Variants in SEMA5A observed in about 807,000 individuals in gnomAD.
SEMA5A encodes semaphorin 5A.
Under a neutral mutation model 135.5 loss-of-function variants are expected in SEMA5A, and 55 were observed. The ratio of observed to expected loss-of-function variants is 0.41; its 90% CI spans 0.33 to 0.51. SEMA5A has a LOEUF of 0.51. Ranked by LOEUF, SEMA5A falls within the 20% of genes least tolerant of loss-of-function variation. The pLI, the probability that SEMA5A is intolerant of heterozygous loss-of-function variation, is 0.37. For missense variants in SEMA5A, 1,290 were observed against 1,419.9 expected (o/e 0.91, Z 1.47); for synonymous variants, 580 against 546.5 (o/e 1.06, Z -0.85).
intron 11 of SEMA5A, among the ~76,000 whole-genome samples, chr5:9,159,620 C>T (rs1256988813): frequency 6.6e-6 from 1 of 152,144 alleles, no homozygotes; most frequent in African/African-American, 2.4e-5. Context: ...GTAAACAGTT[C>T]AACCATTGTG....
intron 5 of SEMA5A, among the ~76,000 whole-genome samples, chr5:9,243,010 G>T (rs1748287655): frequency 6.6e-6 from 1 of 152,168 alleles, no homozygotes; most frequent in African/African-American, 2.4e-5. Flanking sequence ...AACTTACATT[G>T]ATAAGGAACT....
At chr5:9,076,075 C>T (rs866479544) in intron 16 of SEMA5A, among the ~76,000 whole-genome samples, 5 of 151,684 alleles carry the variant, frequency 3.3e-5, no homozygotes, top group Admixed American at 6.6e-5. Flanking sequence ...CATGGTGGCA[C>T]GTGCCTGTAG....
chr5:9,185,857 T>C (rs936289374), intron 11 of SEMA5A, among the ~76,000 whole-genome samples: 10 of 152,142 alleles, frequency 6.6e-5, no homozygotes, highest in Admixed American at 2.0e-4. Context: ...AGAACAACCA[T>C]GGCCATGCTG....
chr5:9,231,726 T>A (rs1412019332), intron 6 of SEMA5A, among the ~76,000 whole-genome samples: 1 of 152,224 alleles, frequency 6.6e-6, no homozygotes, highest in Non-Finnish European at 1.5e-5. Context: ...AGGTTTCTCT[T>A]ATAAATCAGC....
At chr5:9,425,471 G>T (rs1757614841) in intron 2 of SEMA5A, among the ~76,000 whole-genome samples, 1 of 152,236 alleles carries the variant, frequency 6.6e-6, no homozygotes, top group Admixed American at 6.5e-5. Flanking sequence ...CAGTCAGTGT[G>T]TGACAGCAAC....
At chr5:9,127,882 G>C (rs775981896) in intron 13 of SEMA5A, among the ~76,000 whole-genome samples, 35 of 152,232 alleles carry the variant, frequency 2.3e-4, no homozygotes, top group Admixed American at 1.9e-3. Flanking sequence ...TGATATAGAT[G>C]ATAGAAATAT....
At chr5:9,116,717 C>T (rs253649) in intron 15 of SEMA5A, among the ~76,000 whole-genome samples, 92,280 of 152,068 alleles carry the variant, frequency 0.61, 30,011 homozygotes, top group African/African-American at 0.84. Context: ...ATACATGTAT[C>T]AATTATTTTG....
intron 6 of SEMA5A, among the ~76,000 whole-genome samples, chr5:9,235,664 T>G (rs1348307343): frequency 6.6e-6 from 1 of 150,586 alleles, no homozygotes; most frequent in Non-Finnish European, 1.5e-5. Flanking sequence ...GAACAGACAC[T>G]GTGACAAGTG....
At position 9,428,088 on chromosome 5, in the gene SEMA5A, G is replaced by GTATA. The variant is rs10536071; in HGVS notation, c.-78+9664_-78+9667dup. 2.4e-3 allele frequency among the ~76,000 whole-genome samples: 356 copies of GTATA among 145,630 alleles called. 2 individuals carry two copies. The highest frequency in any genetic ancestry group is 0.017 in the Admixed American group (242 of 14,292). ...TGTGTGTAAATATATATATGTGTGT[G>GTATA]TATATATATATATATATATATATAT... On this transcript the variant is annotated intron_variant, in intron 2 of 22. Transcript: ENST00000382496.
At chr5:9,420,006 C>G (rs1757411203) in intron 2 of SEMA5A, among the ~76,000 whole-genome samples, 1 of 152,156 alleles carries the variant, frequency 6.6e-6, no homozygotes, top group South Asian at 2.1e-4. Context: ...TGTTGGGCCC[C>G]TCGGTGGCCA....
At chr5:9,050,707 T>G (rs111343248) in intron 20 of SEMA5A, among the ~76,000 whole-genome samples, 6 of 152,364 alleles carry the variant, frequency 3.9e-5, no homozygotes, top group Non-Finnish European at 2.9e-5. Context: ...TGCTATGGTC[T>G]CTCAGGCTGA....
intron 1 of SEMA5A, chr5:9,517,910 T>C (rs1313507629): frequency 1.3e-5 from 2 of 152,230 alleles, no homozygotes; most frequent in African/African-American, 2.4e-5. Flanking sequence ...TCACGGTTTA[T>C]GGTAGCAACA....
At chr5:9,200,528 G>A (rs1349606787) in intron 9 of SEMA5A, among the ~76,000 whole-genome samples, 1 of 152,266 alleles carries the variant, frequency 6.6e-6, no homozygotes, top group South Asian at 2.1e-4. Context: ...TTCAGAAACT[G>A]TAAATTGATT....
chr5:9,502,815 A>C (rs268500), intron 1 of SEMA5A, among the ~76,000 whole-genome samples: 147,677 of 152,156 alleles, frequency 0.97, 71,899 homozygotes, highest in Non-Finnish European at 1. Context: ...AAAGGGTTCT[A>C]ATTGGGGGAA....
intron 2 of SEMA5A, among the ~76,000 whole-genome samples, chr5:9,410,433 A>G (rs937502731): frequency 2.0e-5 from 3 of 152,210 alleles, no homozygotes; most frequent in African/African-American, 7.2e-5. Context: ...TCAACAGTCA[A>G]TCTCCGCAGG....
intron 1 of SEMA5A, among the ~76,000 whole-genome samples, chr5:9,503,916 A>G (rs1735722976): frequency 6.6e-6 from 1 of 152,204 alleles, no homozygotes; most frequent in African/African-American, 2.4e-5. Context: ...CCCTCTAATT[A>G]TAACGAAATA....
At chr5:9,343,162 T>C (rs557248940) in intron 3 of SEMA5A, among the ~76,000 whole-genome samples, 22 of 144,432 alleles carry the variant, frequency 1.5e-4, no homozygotes, top group Non-Finnish European at 3.2e-4. Context: ...TTTTTGCCCA[T>C]GTTAATAAGG....
At chr5:9,043,729 C>T (rs73741644) in intron 22 of SEMA5A, among the ~76,000 whole-genome samples, 5,782 of 152,264 alleles carry the variant, frequency 0.038, 379 homozygotes, top group African/African-American at 0.13. Context: ...GACAGCTGTC[C>T]GTACCTTCAA....
chr5:9,210,489 C>T (rs1229411391), intron 8 of SEMA5A, among the ~76,000 whole-genome samples: 3 of 152,206 alleles, frequency 2.0e-5, no homozygotes, highest in African/African-American at 7.2e-5. Context: ...CAAGAAAATG[C>T]TCTCAACCTT....
Sources: gnomAD v4.1 joint callset for allele counts (sites outside exome capture counted in the v4.1 genomes callset) on GRCh38, gnomAD v4.1.1 for gene constraint, MANE v1.5 for transcripts, NCBI Gene and HGNC (gene_info 2026-07-23, HGNC 2026-07-21) for gene names.